Variants in CBY2 observed in about 807,000 individuals in gnomAD.
The protein encoded by CBY2 is chibby family member 2.
In CBY2, 23 loss-of-function variants were observed where a neutral mutation model predicts 25.3. The observed-to-expected ratio is 0.91, with a 90% confidence interval of 0.65 to 1.29. CBY2 has a LOEUF of 1.29. Ranked by LOEUF, CBY2 falls within the 50% of genes most tolerant of loss-of-function variation. CBY2 has a pLI of 0.00. For synonymous variants in CBY2, 279 were observed against 260.2 expected (o/e 1.07, Z -0.70); for missense variants, 642 against 590.7 (o/e 1.09, Z -0.90).
rs768252277 is a variant in CBY2, at chr13:45,713,555, A to G, written c.530A>G (p.Glu177Gly). ...MLQEENKSLR[E>G]ENKALREENR... ...CAGGAGGAGAACAAGTCTCTGCGGG[A>G]GGAGAACAAGGCCCTGCGCGAGGAG... The change falls in exon 3 of 3, where the codon GAG (glutamate) becomes GGG (glycine). Residue 177 changes from glutamate (E) to glycine (G), a missense_variant. Coordinates refer to ENST00000310521, the MANE Select transcript of CBY2 (RefSeq NM_152719.3). This position sits in a 1 kb window ranked among gnomAD's most constrained non-coding sequence, Gnocchi z 5.0. The G allele has an allele frequency of 1.2e-6, 2 of 1,614,054 alleles. No individual in the cohort carries two copies. Among genetic ancestry groups the G allele is most frequent in the Admixed American group, 1.7e-5 (1 of 60,026 alleles).
chr13:45,703,343 G>T (rs1950221920), intron 2 of CBY2: 1 of 1,422,948 alleles, frequency 7.0e-7, no homozygotes, highest in Non-Finnish European at 9.2e-7. Context: ...AGATGTAGGG[G>T]CCATGGGCAT....
In CBY2 at chr13:45,703,318, C is replaced by G. The variant is rs527988027; in HGVS notation, c.156+463C>G. On this transcript the variant is annotated intron_variant, in intron 2 of 2. Coordinates refer to ENST00000310521, the MANE Select transcript of CBY2 (RefSeq NM_152719.3). The stretch of plus-strand genomic sequence containing the variant: ...GAGCTGTCAAGAGAATTAAGCCCTG[C>G]TATGCATCAAAGACAGATGTAGGGG... 903 of 1,391,254 alleles carry G rather than the reference C, an allele frequency of 6.5e-4. 3 individuals carry two copies. Among genetic ancestry groups the G allele is most frequent in the South Asian group, 1.7e-3 (99 of 59,740 alleles). The allele number at this position is 1,391,254 out of a possible 1,614,324, so 86.2% of individuals were successfully genotyped here.
At chr13:45,710,739 C>CT (rs1017571068) in intron 2 of CBY2, among the ~76,000 whole-genome samples, 1 of 152,176 alleles carries the variant, frequency 6.6e-6, no homozygotes, top group Non-Finnish European at 1.5e-5. Flanking sequence ...GGAGGCTGAA[C>CT]TTTTTTAAAC....
intron 2 of CBY2, among the ~76,000 whole-genome samples, chr13:45,712,473 G>A (rs1950276376): frequency 6.6e-6 from 1 of 152,120 alleles, no homozygotes; most frequent in South Asian, 2.1e-4. Context: ...TTGCCTACTT[G>A]CTAAAATGTG....
chr13:45,702,554 T>A, intron 1 of CBY2, 89 bp downstream of exon 1: 1 of 1,122,186 alleles, frequency 8.9e-7, no homozygotes, highest in Non-Finnish European at 1.4e-6. Context: ...CAAAAGCCTT[T>A]TACATCAACT....
intron 1 of CBY2, 21 bp from the exon 2 acceptor site, chr13:45,702,754 C>T (rs1428100840): frequency 8.7e-6 from 14 of 1,601,334 alleles, no homozygotes; most frequent in Non-Finnish European, 1.2e-5. Context: ...CAGTAATCTT[C>T]TTCTTTTCTC....
intron 2 of CBY2, among the ~76,000 whole-genome samples, chr13:45,711,388 C>T (rs1392527209): frequency 6.6e-6 from 1 of 152,114 alleles, no homozygotes; most frequent in African/African-American, 2.4e-5. Flanking sequence ...TTGGAAGGTG[C>T]CTTTAAGATC....
rs1950290159 is a variant in CBY2, at chr13:45,713,689, GAC to G, written c.666_667del (p.Asp222GlufsTer193). On this transcript the variant is annotated frameshift_variant, in exon 3 of 3. Coordinates refer to ENST00000310521, the MANE Select transcript of CBY2 (RefSeq NM_152719.3). LOFTEE classifies it low-confidence loss of function (END_TRUNC). This position sits in a 1 kb window ranked among gnomAD's most constrained non-coding sequence, Gnocchi z 5.0. ...SRAPSPLLHK[D>X]SASLEVVKKD... ...GGCCCCCTCGCCACTGCTGCACAAA[GAC>G]AGCGCGTCCCTGGAGGTGGTGAAGA... 6.2e-7 allele frequency: 1 copy of G among 1,612,570 alleles called. No individual in the cohort carries two copies. Among genetic ancestry groups the G allele is most frequent in the Non-Finnish European group, 8.5e-7 (1 of 1,179,980 alleles).
intron 2 of CBY2, among the ~76,000 whole-genome samples, chr13:45,710,992 T>G (rs532085767): frequency 6.6e-6 from 1 of 152,314 alleles, no homozygotes; most frequent in East Asian, 1.9e-4. Context: ...GACTTGTTTT[T>G]TATTTTCTCT....
intron 2 of CBY2, among the ~76,000 whole-genome samples, chr13:45,706,298 A>T (rs1288346688): frequency 2.0e-5 from 3 of 152,188 alleles, no homozygotes; most frequent in African/African-American, 7.2e-5. Context: ...ATATTTACCA[A>T]GGAGGGCACC....
Position 45,713,977 on chromosome 13 carries a change from CAGG to C in CBY2, c.957_959del (p.Glu319del). The C allele has an allele frequency of 6.6e-7, 1 of 1,513,288 alleles. No homozygotes were observed. Among genetic ancestry groups the C allele is most frequent in the Non-Finnish European group, 8.8e-7 (1 of 1,135,518 alleles). 93.7% of individuals were successfully genotyped at this position (1,513,288 alleles called of 1,614,324 possible). A position where few individuals can be genotyped will look rare whatever the true frequency, so the allele number is the denominator to read the frequency against. ...GGAGCCCAAAGGGCCTCCGGCCCGG[CAGG>C]AGGACTCCAAGGAGCTGCGCGCCCT... is the stretch of plus-strand genomic sequence containing the variant. On this transcript the variant is annotated inframe_deletion, in exon 3 of 3. Transcript: ENST00000310521. This position sits in a 1 kb window ranked among gnomAD's most constrained non-coding sequence, Gnocchi z 5.0.
At position 45,702,377 on chromosome 13, in the gene CBY2, C is replaced by T; in HGVS notation, c.-14C>T. On this transcript the variant is annotated 5_prime_UTR_variant, in exon 1 of 3. Transcript: ENST00000310521. ...AGAAACCATGAGCCCTGAAAAACACCATATTGTTTTGTGATGTCACCTCTG... is the reference window on the plus strand; with the variant it reads ...AGAAACCATGAGCCCTGAAAAACACTATATTGTTTTGTGATGTCACCTCTG... The T allele has an allele frequency of 1.9e-6, 3 of 1,612,108 alleles. No individual in the cohort carries two copies. The highest frequency in any genetic ancestry group is 2.5e-6 in the Non-Finnish European group (3 of 1,178,168).
At position 45,714,540 on chromosome 13, in the gene CBY2, G is replaced by C. The variant is rs1197030020; in HGVS notation, c.*168G>C. On this transcript the variant is annotated 3_prime_UTR_variant, in exon 3 of 3. Transcript: ENST00000310521. ...AGAGTTTTAATAAAGGTGTGAGGAGGCTGGGGCCAGTTGACACCAGCATGC... is the reference window on the plus strand; with the variant it reads ...AGAGTTTTAATAAAGGTGTGAGGAGCCTGGGGCCAGTTGACACCAGCATGC... 3 of 554,210 alleles carry C rather than the reference G, an allele frequency of 5.4e-6. No homozygotes were observed. The highest frequency in any genetic ancestry group is 9.3e-6 in the Non-Finnish European group (3 of 322,530). The allele number at this position is 554,210 out of a possible 1,614,324, so 34.3% of individuals were successfully genotyped here.
intron 2 of CBY2, among the ~76,000 whole-genome samples, chr13:45,712,955 A>G (rs773377713): frequency 3.3e-5 from 5 of 152,334 alleles, no homozygotes; most frequent in Non-Finnish European, 7.4e-5. Context: ...CAATGGTTCT[A>G]TATTTGCTAA....
Position 45,704,668 on chromosome 13 carries a change from C to T in CBY2, c.156+1813C>T, listed in dbSNP as rs186715272. ...AAGAAATATTGACTGAATGTTGGTG[C>T]GATCATGTGTCGGGCATGGGGCCAA... On this transcript the variant is annotated intron_variant, in intron 2 of 2. Transcript: ENST00000310521. The surrounding 1 kb of genome is among the most constrained non-coding windows in gnomAD (Gnocchi z 4.1). 2.6e-5 allele frequency among the ~76,000 whole-genome samples: 4 copies of T among 152,234 alleles called. No homozygotes were observed. The highest frequency in any genetic ancestry group is 9.6e-5 in the African/African-American group (4 of 41,528).
intron 2 of CBY2, among the ~76,000 whole-genome samples, chr13:45,707,221 C>T (rs534827605): frequency 2.0e-5 from 3 of 152,242 alleles, no homozygotes; most frequent in African/African-American, 4.8e-5. Context: ...GGACCACTAG[C>T]GTGCTTGTGT....
intron 2 of CBY2, chr13:45,703,359 C>A (rs571031051): frequency 4.9e-6 from 7 of 1,434,512 alleles, no homozygotes; most frequent in African/African-American, 1.4e-5. Context: ...GGCATAGATG[C>A]TTTTTCAGTC....
chr13:45,702,979 GT>G, intron 2 of CBY2, 124 bp downstream of exon 2: 2 of 1,135,736 alleles, frequency 1.8e-6, no homozygotes, highest in Non-Finnish European at 2.5e-6. Context: ...TCAGATTATA[GT>G]TTGGGTTGGG....
In CBY2 at chr13:45,713,645, T is replaced by C. The variant is rs753576192; in HGVS notation, c.620T>C (p.Leu207Pro). Residue 207 changes from leucine to proline, a missense_variant, in exon 3 of 3, where the codon CTG (leucine) becomes CCG (proline). By Grantham distance (98) the Leu-to-Pro change is moderately conservative. Transcript: ENST00000310521. This position sits in a 1 kb window ranked among gnomAD's most constrained non-coding sequence, Gnocchi z 5.0. ...TTCTGGGAGGAGCACAAGGCCTCGCTGGGCCGAGAGGAGAGCCGGGCCCCC... is the reference window on the plus strand; with the variant it reads ...TTCTGGGAGGAGCACAAGGCCTCGCCGGGCCGAGAGGAGAGCCGGGCCCCC... ...QVFWEEHKAS[L>P]GREESRAPSP... is the part of the protein sequence containing the mutation. The C allele has an allele frequency of 6.2e-7, 1 of 1,613,360 alleles. No individual in the cohort carries two copies. Among genetic ancestry groups the C allele is most frequent in the South Asian group, 1.1e-5 (1 of 91,064 alleles).
Sources: allele counts gnomAD v4.1 joint callset (sites outside exome capture counted in the v4.1 genomes callset), GRCh38; gene constraint gnomAD v4.1.1; non-coding constraint Gnocchi (gnomAD v3.1); transcripts MANE v1.5; gene names NCBI Gene and HGNC (gene_info 2026-07-23, HGNC 2026-07-21).